LINGO2: variants seen among roughly 807,000 people sequenced by gnomAD.
The protein encoded by LINGO2 is leucine rich repeat and Ig domain containing 2, also known as leucine-rich repeat and immunoglobulin-like domain-containing nogo receptor-interacting protein 2.
In LINGO2, 14 loss-of-function variants were observed where a neutral mutation model predicts 30.6. That is an observed-to-expected ratio of 0.46 (90% CI 0.30 to 0.72). The LOEUF (loss-of-function observed/expected upper bound fraction) is 0.72. Among genes scored for constraint, LINGO2 ranks in the 30% least tolerant of loss-of-function variants. The pLI is 0.07. For missense variants in LINGO2, 729 were observed against 751.7 expected (o/e 0.97, Z 0.35); for synonymous variants, 317 against 288.5 (o/e 1.10, Z -1.00).
intron 1 of LINGO2, among the ~76,000 whole-genome samples, chr9:28,586,802 C>T (rs889547545): frequency 6.6e-6 from 1 of 151,958 alleles, no homozygotes; most frequent in African/African-American, 2.4e-5. Flanking sequence ...TGGCACTGCT[C>T]ATCTGCCCTA....
At chr9:28,374,448 A>C (rs1281654985) in intron 2 of LINGO2, among the ~76,000 whole-genome samples, 1 of 152,094 alleles carries the variant, frequency 6.6e-6, no homozygotes, top group African/African-American at 2.4e-5. Flanking sequence ...TGCAAAAATT[A>C]TACTATTTTA....
the LINGO2 span, among the ~76,000 whole-genome samples, chr9:29,131,919 G>A: frequency 6.6e-6 from 1 of 151,036 alleles, no homozygotes; most frequent in Non-Finnish European, 1.5e-5. Flanking sequence ...ACATCTAGTT[G>A]CCCTTTGATT....
the LINGO2 span, among the ~76,000 whole-genome samples, chr9:29,156,377 G>C: frequency 6.6e-6 from 1 of 152,016 alleles, no homozygotes; most frequent in Admixed American, 6.6e-5. Context: ...ACAATATTGG[G>C]ATTTTAGTTA....
intron 4 of LINGO2, among the ~76,000 whole-genome samples, chr9:28,017,965 T>C (rs544125765): frequency 6.6e-6 from 1 of 152,026 alleles, no homozygotes; most frequent in South Asian, 2.1e-4. Flanking sequence ...ATATTACAAA[T>C]CCATAGAGTA....
the LINGO2 span, among the ~76,000 whole-genome samples, chr9:28,992,561 AT>A: frequency 1.3e-5 from 2 of 152,040 alleles, no homozygotes; most frequent in South Asian, 4.2e-4. Flanking sequence ...CAGAATATAT[AT>A]TTTTTTCAGC....
intron 1 of LINGO2, among the ~76,000 whole-genome samples, chr9:28,637,156 G>A (rs1226133593): frequency 5.9e-5 from 9 of 151,996 alleles, no homozygotes. Context: ...ATTTTTCAGG[G>A]CTCTGTTCTG....
At chr9:27,961,964 A>T (rs1186805622) in intron 5 of LINGO2, among the ~76,000 whole-genome samples, 1 of 152,130 alleles carries the variant, frequency 6.6e-6, no homozygotes. Flanking sequence ...AGCATGAGGA[A>T]TTCCTGGTTT....
At chr9:28,584,740 G>T (rs1033709286) in intron 1 of LINGO2, among the ~76,000 whole-genome samples, 1 of 152,016 alleles carries the variant, frequency 6.6e-6, no homozygotes, top group Non-Finnish European at 1.5e-5. Context: ...AACATGCAGA[G>T]TCATCATTTA....
At chr9:28,638,088 T>A (rs1160333279) in intron 1 of LINGO2, among the ~76,000 whole-genome samples, 2 of 152,128 alleles carry the variant, frequency 1.3e-5, no homozygotes, top group Non-Finnish European at 2.9e-5. Flanking sequence ...TCACGTGGCT[T>A]TTGTCGTTGG....
the LINGO2 span, among the ~76,000 whole-genome samples, chr9:28,798,280 A>AG: frequency 6.6e-6 from 1 of 151,654 alleles, no homozygotes; most frequent in Non-Finnish European, 1.5e-5. Context: ...AGGATGGAAA[A>AG]AAAAACTGAT....
At chr9:29,188,963 A>T in the LINGO2 span, among the ~76,000 whole-genome samples, 3 of 118,578 alleles carry the variant, frequency 2.5e-5, no homozygotes, top group African/African-American at 6.6e-5. Flanking sequence ...CGGGGGGCTG[A>T]CCCCCCCACC....
intron 2 of LINGO2, among the ~76,000 whole-genome samples, chr9:28,464,196 A>T (rs547432275): frequency 6.6e-6 from 1 of 152,310 alleles, no homozygotes; most frequent in Non-Finnish European, 1.5e-5. Context: ...ATTTTATACA[A>T]CATAGGATCT....
At chr9:28,645,161 C>T (rs922613351) in intron 1 of LINGO2, among the ~76,000 whole-genome samples, 24 of 152,060 alleles carry the variant, frequency 1.6e-4, no homozygotes, top group Non-Finnish European at 2.9e-4. Context: ...TACCTTAATT[C>T]GGTGTTTTCC....
the LINGO2 span, among the ~76,000 whole-genome samples, chr9:28,824,190 G>A: frequency 1.3e-5 from 2 of 152,162 alleles, no homozygotes; most frequent in Admixed American, 6.6e-5. Flanking sequence ...CTGGACTCTA[G>A]TCTCTGGGAA....
intron 2 of LINGO2, among the ~76,000 whole-genome samples, chr9:28,471,299 A>G (rs1056535918): frequency 5.9e-5 from 9 of 152,256 alleles, no homozygotes; most frequent in African/African-American, 2.2e-4. Flanking sequence ...ATAACATGGT[A>G]GAAAAACAGA....
chr9:29,049,249 T>C, the LINGO2 span, among the ~76,000 whole-genome samples: 36 of 152,126 alleles, frequency 2.4e-4, no homozygotes, highest in Non-Finnish European at 2.4e-4. Flanking sequence ...GAAATGCAAA[T>C]GAAAGCTACA....
intron 4 of LINGO2, among the ~76,000 whole-genome samples, chr9:28,051,953 GC>G (rs1307830527): frequency 6.6e-6 from 1 of 151,938 alleles, no homozygotes. Context: ...AATCATAATT[GC>G]CCTGGGCACT....
At chr9:28,375,880 G>A (rs551633462) in intron 2 of LINGO2, among the ~76,000 whole-genome samples, 3 of 152,104 alleles carry the variant, frequency 2.0e-5, no homozygotes, top group Non-Finnish European at 2.9e-5. Context: ...GACACAGTAC[G>A]AATCTCATTA....
At chr9:28,046,000 G>C (rs1824405239) in intron 4 of LINGO2, among the ~76,000 whole-genome samples, 2 of 152,102 alleles carry the variant, frequency 1.3e-5, no homozygotes, top group African/African-American at 4.8e-5. Flanking sequence ...AAAAAGTTTA[G>C]ACCTATAATG....
Sources: gnomAD v4.1 joint callset for allele counts (sites outside exome capture counted in the v4.1 genomes callset) on GRCh38, gnomAD v4.1.1 for gene constraint, MANE v1.5 for transcripts, NCBI Gene and HGNC (gene_info 2026-07-23, HGNC 2026-07-21) for gene names.